SLC12A6: variants seen among roughly 807,000 people sequenced by gnomAD.
The protein encoded by SLC12A6 is K-Cl cotransporter 3.
In SLC12A6, 66 loss-of-function variants were observed where a neutral mutation model predicts 135.3. The observed-to-expected ratio is 0.49, with a 90% CI of 0.40 to 0.60. The LOEUF (loss-of-function observed/expected upper bound fraction) is 0.60, where lower values mean the gene tolerates loss of function less well. Among genes scored for constraint, SLC12A6 ranks in the 20% least tolerant of loss-of-function variants. The pLI, the probability that SLC12A6 is intolerant of heterozygous loss-of-function variation, is 0.00. For missense variants in SLC12A6, 1,058 were observed against 1,452.3 expected, an observed-to-expected ratio of 0.73 and a Z score of 4.41; for synonymous variants, 513 against 508.8, an observed-to-expected ratio of 1.01 and a Z score of -0.11.
rs576455240 is a variant in SLC12A6 at position 34,310,972 on chromosome 15, T to C, written c.271+25438A>G. Among the ~76,000 whole-genome samples the C allele has an allele frequency of 8.5e-5, 13 of 152,272 alleles. No homozygotes were observed. The East Asian group carries it at 2.5e-3, about 29-fold the overall frequency. Reference sequence around the variant, plus strand: ...TCATGGGTAACAATTATTTAGTTAATAGTCTAACATCCTGTGGATTCTCAA... The same window carrying C: ...TCATGGGTAACAATTATTTAGTTAACAGTCTAACATCCTGTGGATTCTCAA... On this transcript the variant is annotated intron_variant, in intron 2 of 25. Transcript: ENST00000354181.
Position 34,229,815 on chromosome 15 carries a change from A to G in SLC12A6, c.*4066T>C, listed in dbSNP as rs749730132. 19 of 1,611,076 alleles carry G rather than the reference A, an allele frequency of 1.2e-5. No homozygotes were observed. The highest frequency in any genetic ancestry group is 2.7e-5 in the African/African-American group (2 of 74,868). ...CATGAGAAAGCAGCGCCTGGTCCCT[A>G]TGTATTTGGGTCTTATTTACATCCT... On this transcript the variant is annotated 3_prime_UTR_variant, in exon 26 of 26. Transcript: ENST00000354181.
chr15:34,250,740 A>C lies in SLC12A6; in HGVS notation c.1493-11T>G, dbSNP rs770119294. The C allele has an allele frequency of 6.5e-7, 1 of 1,537,928 alleles. No homozygotes were observed. Among genetic ancestry groups the C allele is most frequent in the East Asian group, 2.2e-5 (1 of 44,496 alleles). ...ATCCAGCCATGATACCTTTAGAGAT[A>C]AGGGGGAAAAAACCAAGTTAACTTC... On this transcript the variant is annotated splice_polypyrimidine_tract_variant and intron_variant, in intron 11 of 25. Transcript: ENST00000354181.
chr15:34,262,464 G>T (rs374423615), intron 3 of SLC12A6, among the ~76,000 whole-genome samples: 278 of 152,204 alleles, frequency 1.8e-3, no homozygotes, highest in African/African-American at 6.4e-3. Context: ...TGTGGAACAA[G>T]AACTCAGGAC....
chr15:34,287,400 G>T (rs1002862146), intron 2 of SLC12A6, among the ~76,000 whole-genome samples: 36 of 152,318 alleles, frequency 2.4e-4, no homozygotes, highest in African/African-American at 8.7e-4. Flanking sequence ...ATTTGGGTTG[G>T]TTCCAAGTCT....
chr15:34,322,806 C>T (rs1016943216), intron 2 of SLC12A6, among the ~76,000 whole-genome samples: 1 of 151,090 alleles, frequency 6.6e-6, no homozygotes, highest in Non-Finnish European at 1.5e-5. Flanking sequence ...TGTGAAACCC[C>T]GTCTCCACTA....
intron 24 of SLC12A6, 117 bp from the exon 25 acceptor site, chr15:34,235,431 A>ATTTTTTTTTTTTTTTTT (rs371322623): frequency 9.9e-6 from 5 of 503,414 alleles, no homozygotes; most frequent in African/African-American, 4.6e-5. Context: ...TGATAAAATG[A>ATTTTTTTTTTTTTTTTT]TTTTTTTTTT....
chr15:34,241,906 C>T (rs1393466896), intron 17 of SLC12A6, among the ~76,000 whole-genome samples, 196 bp downstream of exon 17: 1 of 152,090 alleles, frequency 6.6e-6, no homozygotes, highest in African/African-American at 2.4e-5. Flanking sequence ...TCCATTGATC[C>T]ATTCATACTT....
chr15:34,244,031 G>A lies in SLC12A6; in HGVS notation c.1985C>T (p.Ala662Val). ...MCYLFVNLACALQTLLRTPNW... is the reference protein window; with the variant it reads ...MCYLFVNLACVLQTLLRTPNW... The stretch of plus-strand genomic sequence containing the variant: ...GGGTGTTCGAAGTAATGTTTGCAAG[G>A]CACATGCCAAGTTTACAAAGAGGTA... The change falls in exon 16 of 26, where the codon GCC becomes GTC. Residue 662 changes from alanine (A) to valine (V), a missense_variant. Physicochemically the swap from Ala to Val is moderately conservative, Grantham distance 64. Coordinates refer to ENST00000354181, the MANE Select transcript of SLC12A6 (RefSeq NM_001365088.1). 1 of 1,608,928 alleles carries A rather than the reference G, an allele frequency of 6.2e-7. No individual in the cohort carries two copies. Among genetic ancestry groups the A allele is most frequent in the South Asian group, 1.1e-5 (1 of 90,970 alleles).
intron 24 of SLC12A6, 117 bp from the exon 25 acceptor site, chr15:34,235,431 A>ATTTTTTTTTTTTTTTTTTTTTTTTTT (rs371322623): frequency 4.7e-6 from 2 of 426,192 alleles, no homozygotes; most frequent in African/African-American, 4.8e-5. Context: ...TGATAAAATG[A>ATTTTTTTTTTTTTTTTTTTTTTTTTT]TTTTTTTTTT....
At chr15:34,252,710 G>A (rs1892477842) in intron 9 of SLC12A6, among the ~76,000 whole-genome samples, 1 of 152,168 alleles carries the variant, frequency 6.6e-6, no homozygotes, top group African/African-American at 2.4e-5. Flanking sequence ...ATAGGTGGTG[G>A]CAGTGAAGGA....
At chr15:34,258,527 A>G (rs1378931654) in intron 5 of SLC12A6, among the ~76,000 whole-genome samples, 1 of 152,132 alleles carries the variant, frequency 6.6e-6, no homozygotes, top group Non-Finnish European at 1.5e-5. Context: ...TCCCTTGCCA[A>G]TTTCAGTCTC....
chr15:34,235,585 C>T (rs367689933), intron 24 of SLC12A6, among the ~76,000 whole-genome samples: 1 of 151,700 alleles, frequency 6.6e-6, no homozygotes, highest in East Asian at 1.9e-4. Context: ...CAGGCCCCCA[C>T]CACCATACCC....
At position 34,261,024 on chromosome 15, in the gene SLC12A6, GAA is replaced by G. The variant is rs747243268; in HGVS notation, c.317-6_317-5del. 27 of 1,302,302 alleles carry G rather than the reference GAA, an allele frequency of 2.1e-5. No homozygotes were observed. The highest frequency in any genetic ancestry group is 2.5e-5 in the Non-Finnish European group (23 of 937,812). The allele number at this position is 1,302,302 out of a possible 1,614,324, so 80.7% of individuals were successfully genotyped here. A position where few individuals can be genotyped will look rare whatever the true frequency, so the allele number is the denominator to read the frequency against. The stretch of plus-strand genomic sequence containing the variant: ...CGAGCTTTCTTATGTCCGTCGTCTG[GAA>G]AAAAAAAAGTAGACCAAGTTAGTTT... On this transcript the variant is annotated splice_region_variant and splice_polypyrimidine_tract_variant and intron_variant, in intron 3 of 25. Coordinates refer to ENST00000354181, the MANE Select transcript of SLC12A6 (RefSeq NM_001365088.1).
intron 2 of SLC12A6, among the ~76,000 whole-genome samples, chr15:34,310,438 TCCCC>T (rs1566860377): frequency 2.1e-4 from 25 of 121,492 alleles, no homozygotes; most frequent in African/African-American, 5.4e-4. Flanking sequence ...TGTGTGTGTG[TCCCC>T]GTGTCCAGGC....
chr15:34,299,827 T>G (rs1896118947), intron 2 of SLC12A6, among the ~76,000 whole-genome samples: 1 of 152,162 alleles, frequency 6.6e-6, no homozygotes, highest in Non-Finnish European at 1.5e-5. Flanking sequence ...CAGTACAGAC[T>G]TTGTCAGCAT....
chr15:34,299,900 T>G (rs925265804), intron 2 of SLC12A6, among the ~76,000 whole-genome samples: 1 of 152,088 alleles, frequency 6.6e-6, no homozygotes, highest in Admixed American at 6.6e-5. Context: ...ATGAGAAAAA[T>G]TCCTCTGGTA....
Position 34,251,028 on chromosome 15 carries a change from C to T in SLC12A6, c.1363G>A (p.Gly455Arg). The T allele has an allele frequency of 1.2e-6, 2 of 1,611,368 alleles. No individual in the cohort carries two copies. The highest frequency in any genetic ancestry group is 4.5e-5 in the East Asian group (2 of 44,848). Residue 455 changes from glycine (G) to arginine (R), a missense_variant, in exon 11 of 26, where the codon GGA becomes AGA. Around this residue, in one of 6 missense-constraint regions of SLC12A6, gnomAD observed 297 missense variants for 318.5 expected, o/e 0.93. Transcript: ENST00000354181. ...ENLWSNYLPK[G>R]EIIEKPSAKS... ...GCTGAAGGCTTTTCGATGATCTCTC[C>T]CTTGGGTAGGTAATTACTCCAAAGA...
intron 6 of SLC12A6, 93 bp from the exon 7 acceptor site, chr15:34,256,376 C>A (rs995261812): frequency 1.2e-6 from 1 of 844,702 alleles, no homozygotes; most frequent in African/African-American, 1.7e-5. Flanking sequence ...ACTTGGCAAA[C>A]ATTTAACTCT....
chr15:34,251,241 GT>G (rs915243572), intron 10 of SLC12A6, among the ~76,000 whole-genome samples, 184 bp from the exon 11 acceptor site: 169 of 148,734 alleles, frequency 1.1e-3, no homozygotes, highest in African/African-American at 3.7e-3. Flanking sequence ...TAAAAACATA[GT>G]TTTTTTTTTG....
Sources: gnomAD v4.1 joint callset for allele counts (sites outside exome capture counted in the v4.1 genomes callset) on GRCh38, gnomAD v4.1.1 for gene constraint, gnomAD v4.1.1 regional missense constraint, MANE v1.5 for transcripts, NCBI Gene and HGNC (gene_info 2026-07-23, HGNC 2026-07-21) for gene names.